The following FAT3 variants were observed in gnomAD, a reference collection of about 807,000 sequenced individuals.
FAT3 encodes protocadherin Fat 3.
FAT3 carries 95 observed loss-of-function variants against 310.2 expected under a neutral mutation model. That is an observed-to-expected ratio of 0.31 (90% CI 0.26 to 0.36). FAT3 has a LOEUF of 0.36. Among genes scored for constraint, FAT3 ranks in the 10% least tolerant of loss-of-function variants. The pLI is 1.00. For synonymous variants in FAT3, 2,314 were observed against 2,192.9 expected, an observed-to-expected ratio of 1.06 and a Z score of -1.54; for missense variants, 5,408 against 5,715.6, an observed-to-expected ratio of 0.95 and a Z score of 1.74.
intron 4 of FAT3, among the ~76,000 whole-genome samples, chr11:92,730,746 G>C (rs962337115): frequency 3.9e-5 from 6 of 152,128 alleles, no homozygotes; most frequent in Non-Finnish European, 8.8e-5. Context: ...ATTCTGCTTA[G>C]TTCCACAATC....
chr11:92,307,900 A>G (rs1720054646), intron 1 of FAT3, among the ~76,000 whole-genome samples: 1 of 152,156 alleles, frequency 6.6e-6, no homozygotes, highest in Non-Finnish European at 1.5e-5. Flanking sequence ...GGAATTAGTA[A>G]TCTCTTTCTT....
At chr11:92,531,916 G>A (rs1272683355) in intron 3 of FAT3, among the ~76,000 whole-genome samples, 1 of 152,102 alleles carries the variant, frequency 6.6e-6, no homozygotes, top group Non-Finnish European at 1.5e-5. Context: ...GCCTCTGCTA[G>A]ATGCCAGGGT....
At chr11:92,296,248 C>T (rs534286123) in intron 1 of FAT3, among the ~76,000 whole-genome samples, 3 of 151,988 alleles carry the variant, frequency 2.0e-5, no homozygotes, top group Admixed American at 6.6e-5. Context: ...TGGTTAAGAC[C>T]ACAGGCTTTG....
Position 92,224,871 on chromosome 11 carries a change from C to T in FAT3, c.-321C>T, listed in dbSNP as rs539421010. On this transcript the variant is annotated 5_prime_UTR_variant, in exon 1 of 28. Transcript: ENST00000525166. ...AGACAGGAGAGCCGGCGCTCCTCCC[C>T]GCAGGCTGCGCTGTGAACTGGCCTG... 6.6e-6 allele frequency among the ~76,000 whole-genome samples: 1 copy of T among 152,028 alleles called. No individual in the cohort carries two copies. Among genetic ancestry groups the T allele is most frequent in the African/African-American group, 2.4e-5 (1 of 41,390 alleles).
intron 1 of FAT3, among the ~76,000 whole-genome samples, chr11:92,266,841 T>A (rs1023482667): frequency 6.6e-6 from 1 of 152,156 alleles, no homozygotes; most frequent in Non-Finnish European, 1.5e-5. Context: ...TTTTCCTGAT[T>A]TCACCTGATG....
chr11:92,424,689 G>A (rs979500891), intron 2 of FAT3, among the ~76,000 whole-genome samples: 2 of 152,108 alleles, frequency 1.3e-5, no homozygotes, highest in East Asian at 1.9e-4. Flanking sequence ...GCTGAAAAAT[G>A]TCAAAGTGAA....
chr11:92,620,125 G>T (rs1440358808), intron 3 of FAT3, among the ~76,000 whole-genome samples: 1 of 152,052 alleles, frequency 6.6e-6, no homozygotes, highest in Non-Finnish European at 1.5e-5. Context: ...TTATTTAGGA[G>T]TGTGTTGTTT....
chr11:92,830,819 C>G (rs1471136578), intron 13 of FAT3, among the ~76,000 whole-genome samples: 1 of 152,098 alleles, frequency 6.6e-6, no homozygotes, highest in African/African-American at 2.4e-5. Flanking sequence ...CATCCTGTAT[C>G]CTGCCAGCTC....
In FAT3 at chr11:92,842,269, C is replaced by G. The variant is rs1948572559; in HGVS notation, c.10566+1510C>G. Among the ~76,000 whole-genome samples the G allele has an allele frequency of 2.0e-5, 3 of 152,200 alleles. No individual in the cohort carries two copies. The South Asian group carries it at 6.2e-4, about 32-fold the overall frequency. ...CAGGCTGAATTCTGCCCCAGACTTTCAGATTTTGAATTTCAGGACCTTTTG... is the reference window on the plus strand; with the variant it reads ...CAGGCTGAATTCTGCCCCAGACTTTGAGATTTTGAATTTCAGGACCTTTTG... On this transcript the variant is annotated intron_variant, in intron 18 of 27. Coordinates refer to ENST00000525166, the MANE Select transcript of FAT3 (RefSeq NM_001367949.2).
chr11:92,654,585 T>C (rs1942508994), intron 3 of FAT3, among the ~76,000 whole-genome samples: 1 of 152,008 alleles, frequency 6.6e-6, no homozygotes, highest in Non-Finnish European at 1.5e-5. Context: ...AACTCACCCA[T>C]TATTTATCTC....
intron 1 of FAT3, among the ~76,000 whole-genome samples, chr11:92,283,229 C>T (rs1208500547): frequency 6.6e-6 from 1 of 152,086 alleles, no homozygotes; most frequent in Non-Finnish European, 1.5e-5. Flanking sequence ...TCCACTAAAA[C>T]AAAATAAAAT....
intron 3 of FAT3, among the ~76,000 whole-genome samples, chr11:92,657,587 T>G (rs1942629234): frequency 6.6e-6 from 1 of 152,216 alleles, no homozygotes; most frequent in South Asian, 2.1e-4. Context: ...GCTGTGGAAT[T>G]CACAAATCTT....
chr11:92,719,052 A>AT (rs1413591927), intron 4 of FAT3, among the ~76,000 whole-genome samples: 2 of 152,128 alleles, frequency 1.3e-5, no homozygotes, highest in African/African-American at 4.8e-5. Context: ...CCATGGAAAT[A>AT]TTTTTACAGT....
intron 2 of FAT3, among the ~76,000 whole-genome samples, chr11:92,471,629 C>G (rs1951905174): frequency 6.6e-6 from 1 of 152,044 alleles, no homozygotes; most frequent in Non-Finnish European, 1.5e-5. Context: ...TGGAGGACAA[C>G]TTAGCCATAT....
At chr11:92,748,627 T>C (rs1333930338) in intron 4 of FAT3, 1 of 152,142 alleles carries the variant, frequency 6.6e-6, no homozygotes, top group Non-Finnish European at 1.5e-5. Context: ...TTTACTGAGA[T>C]TGGAAATAGC....
intron 19 of FAT3, among the ~76,000 whole-genome samples, chr11:92,856,125 C>A (rs907235427): frequency 1.3e-5 from 2 of 151,856 alleles, no homozygotes; most frequent in Non-Finnish European, 2.9e-5. Flanking sequence ...GGATTACAGG[C>A]ATGAACCACT....
At chr11:92,273,294 A>G (rs1340352695) in intron 1 of FAT3, among the ~76,000 whole-genome samples, 1 of 152,100 alleles carries the variant, frequency 6.6e-6, no homozygotes, top group Non-Finnish European at 1.5e-5. Context: ...AAGTAAAATT[A>G]CTTCTTTAAC....
At chr11:92,701,019 T>G (rs902428765) in intron 4 of FAT3, among the ~76,000 whole-genome samples, 1 of 152,180 alleles carries the variant, frequency 6.6e-6, no homozygotes, top group African/African-American at 2.4e-5. Flanking sequence ...ATACACAAAA[T>G]TTTGAAACTG....
At chr11:92,398,949 G>A (rs1410798488) in intron 2 of FAT3, among the ~76,000 whole-genome samples, 1 of 152,134 alleles carries the variant, frequency 6.6e-6, no homozygotes, top group Non-Finnish European at 1.5e-5. Flanking sequence ...GAGAATGAAG[G>A]AGAAATAAGA....
Sources: allele counts gnomAD v4.1 joint callset (sites outside exome capture counted in the v4.1 genomes callset), GRCh38; gene constraint gnomAD v4.1.1; transcripts MANE v1.5; gene names NCBI Gene and HGNC (gene_info 2026-07-23, HGNC 2026-07-21).